BCR: variants seen among roughly 807,000 people sequenced by gnomAD.
The protein encoded by BCR is BCR activator of RhoGEF and GTPase.
In BCR, 58 loss-of-function variants were observed where a neutral mutation model predicts 138.6. That is an observed-to-expected ratio of 0.42 (90% CI 0.34 to 0.52). The LOEUF is 0.52. BCR is among the 20% of genes least tolerant of loss of function. BCR has a pLI of 0.06. For missense variants in BCR, 1,599 were observed against 1,727.2 expected, an observed-to-expected ratio of 0.93 and a Z score of 1.32; for synonymous variants, 786 against 730.1, an observed-to-expected ratio of 1.08 and a Z score of -1.23.
chr22:23,313,135 G>T (rs2074026983), intron 20 of BCR, 114 bp downstream of exon 20: 4 of 1,353,676 alleles, frequency 3.0e-6, no homozygotes, highest in African/African-American at 1.4e-5. Flanking sequence ...CTCTGCCATG[G>T]TCGGCATTTT....
At chr22:23,232,240 C>T (rs1411376042) in intron 1 of BCR, among the ~76,000 whole-genome samples, 4 of 152,250 alleles carry the variant, frequency 2.6e-5, no homozygotes, top group African/African-American at 7.2e-5. Flanking sequence ...CTGTAAAGCA[C>T]GGTGCCTAGC....
Position 23,273,187 on chromosome 22 carries a change from A to G in BCR, c.1974+54A>G, listed in dbSNP as rs561168901. On this transcript the variant is annotated intron_variant, in intron 7 of 22. Coordinates refer to ENST00000305877, the MANE Select transcript of BCR (RefSeq NM_004327.4). The stretch of plus-strand genomic sequence containing the variant: ...ACCAAAACTGCCCCCTCGGGCACAC[A>G]CAGCAACAATGTTCTGAGACCTTTT... 6.9e-5 allele frequency: 109 copies of G among 1,569,362 alleles called. No homozygotes were observed. In the East Asian group the frequency reaches 2.4e-3, roughly 34 times the overall value.
chr22:23,277,872 C>T (rs1186947108), intron 8 of BCR, among the ~76,000 whole-genome samples: 2 of 152,190 alleles, frequency 1.3e-5, no homozygotes, highest in African/African-American at 4.8e-5. Context: ...TGATGCTGAA[C>T]GGTGGCCGGC....
chr22:23,266,553 C>T (rs895266583), intron 4 of BCR, among the ~76,000 whole-genome samples: 2 of 152,008 alleles, frequency 1.3e-5, no homozygotes, highest in Admixed American at 1.3e-4. Flanking sequence ...TCACGCCCGT[C>T]TAATTTTTGT....
At chr22:23,274,950 T>C (rs2146290592) in intron 8 of BCR, among the ~76,000 whole-genome samples, 1 of 150,496 alleles carries the variant, frequency 6.6e-6, no homozygotes, top group African/African-American at 2.4e-5. Flanking sequence ...CCTCCTTCTC[T>C]TTCTTCTGGT....
At chr22:23,298,027 G>T (rs551773681) in intron 16 of BCR, among the ~76,000 whole-genome samples, 5 of 152,358 alleles carry the variant, frequency 3.3e-5, no homozygotes, top group African/African-American at 1.2e-4. Flanking sequence ...CTGGACAGCA[G>T]TTAAAGTGGT....
chr22:23,181,179 G>C lies in BCR; in HGVS notation c.219G>C (p.Gln73His). Residue 73 changes from glutamine to histidine, a missense_variant, in exon 1 of 23, where the codon CAG becomes CAC. Around this residue, in one of 4 missense-constraint regions of BCR, gnomAD observed 806 missense variants for 635.0 expected, o/e 1.27. Coordinates refer to ENST00000305877, the MANE Select transcript of BCR (RefSeq NM_004327.4). ...LAKEKKSYDR[Q>H]RWGFRRAAQA... ...AGGAAAAGAAGAGCTATGACCGGCA[G>C]CGATGGGGCTTCCGGCGCGCGGCGC... 1.5e-6 allele frequency: 2 copies of C among 1,359,558 alleles called. No homozygotes were observed. Among genetic ancestry groups the C allele is most frequent in the Non-Finnish European group, 1.9e-6 (2 of 1,034,568 alleles). The allele number at this position is 1,359,558 out of a possible 1,614,324, so 84.2% of individuals were successfully genotyped here.
chr22:23,237,900 G>A (rs2073044439), intron 1 of BCR, among the ~76,000 whole-genome samples: 1 of 152,236 alleles, frequency 6.6e-6, no homozygotes, highest in African/African-American at 2.4e-5. Context: ...GAGGTCATAA[G>A]GTTTTTCTGG....
intron 1 of BCR, among the ~76,000 whole-genome samples, chr22:23,246,299 G>C (rs2073156468): frequency 6.6e-6 from 1 of 152,102 alleles, no homozygotes; most frequent in African/African-American, 2.4e-5. Flanking sequence ...TGGACATAAT[G>C]GCACACACCT....
chr22:23,263,196 G>A (rs1018828870), intron 4 of BCR: 1 of 906,216 alleles, frequency 1.1e-6, no homozygotes, highest in African/African-American at 1.7e-5. Context: ...CGCCTGCCCG[G>A]CTGCGGGGCC....
At chr22:23,291,594 G>C (rs184289964) in intron 14 of BCR, among the ~76,000 whole-genome samples, 205 of 152,086 alleles carry the variant, frequency 1.3e-3, no homozygotes, top group Non-Finnish European at 3.5e-4. Context: ...GCTGCCCCGT[G>C]GTCCCGGGCT....
intron 4 of BCR, among the ~76,000 whole-genome samples, chr22:23,265,661 G>T (rs142894704): frequency 9.3e-4 from 141 of 152,310 alleles, no homozygotes; most frequent in African/African-American, 3.3e-3. Flanking sequence ...ACTTACAGGA[G>T]AACTGTAAGA....
chr22:23,188,860 T>G (rs2072380102), intron 1 of BCR, among the ~76,000 whole-genome samples: 2 of 152,102 alleles, frequency 1.3e-5, no homozygotes, highest in Admixed American at 1.3e-4. Context: ...TATTGTAAAA[T>G]TCATGTTATA....
chr22:23,255,072 A>G (rs770867222), intron 2 of BCR, among the ~76,000 whole-genome samples: 2 of 152,162 alleles, frequency 1.3e-5, no homozygotes, highest in Non-Finnish European at 2.9e-5. Context: ...CAAGAGAGAG[A>G]TGGACTTTTC....
At chr22:23,245,854 A>AT (rs1312859613) in intron 1 of BCR, among the ~76,000 whole-genome samples, 1 of 152,144 alleles carries the variant, frequency 6.6e-6, no homozygotes, top group Non-Finnish European at 1.5e-5. Flanking sequence ...AAAATGAATC[A>AT]TTTTAAAGTG....
intron 1 of BCR, among the ~76,000 whole-genome samples, chr22:23,187,359 G>C (rs567724814): frequency 6.7e-6 from 1 of 150,338 alleles, no homozygotes; most frequent in Non-Finnish European, 1.5e-5. Flanking sequence ...GAAATAGGAC[G>C]GTCTAGTTAG....
At chr22:23,244,234 T>C (rs918190213) in intron 1 of BCR, among the ~76,000 whole-genome samples, 22 of 152,220 alleles carry the variant, frequency 1.4e-4, no homozygotes, top group African/African-American at 4.6e-4. Flanking sequence ...TCTGGGGGAA[T>C]AGAAACACAT....
At chr22:23,254,113 CTCCTTCCTCATCTCTACA>C in intron 2 of BCR, 133 bp downstream of exon 2, 1 of 1,017,644 alleles carries the variant, frequency 9.8e-7, no homozygotes. Context: ...TCACCAAAAA[CTCCTTCCTCATCTCTACA>C]TGTGGTACAC....
chr22:23,182,149 G>T lies in BCR; in HGVS notation c.1189G>T (p.Val397Phe). 1 of 1,609,518 alleles carries T rather than the reference G, an allele frequency of 6.2e-7. No homozygotes were observed. The change falls in exon 1 of 23, where the codon GTT becomes TTT. Residue 397 changes from valine to phenylalanine, a missense_variant. Val to Phe is a conservative substitution (Grantham distance 50). Transcript: ENST00000305877. ...QCHKRHRHCP[V>F]VVSEATIVGV... ...CCATAAGCGGCACCGGCACTGCCCGGTTGTCGTGTCCGAGGCCACCATCGT... is the reference window on the plus strand; with the variant it reads ...CCATAAGCGGCACCGGCACTGCCCGTTTGTCGTGTCCGAGGCCACCATCGT...
Sources: allele counts gnomAD v4.1 joint callset (sites outside exome capture counted in the v4.1 genomes callset), GRCh38; gene constraint gnomAD v4.1.1; regional missense constraint gnomAD v4.1.1; transcripts MANE v1.5; gene names NCBI Gene and HGNC (gene_info 2026-07-23, HGNC 2026-07-21).